Variants in SAMD4A observed in about 807,000 individuals in gnomAD.
The protein encoded by SAMD4A is sterile alpha motif domain containing 4A, also known as protein Smaug homolog 1.
SAMD4A carries 33 observed loss-of-function variants against 81.3 expected under a neutral mutation model. That is an observed-to-expected ratio of 0.41 (90% CI 0.31 to 0.54). The LOEUF is 0.54. Among genes scored for constraint, SAMD4A ranks in the 20% least tolerant of loss-of-function variants. The pLI is 0.37. For synonymous variants in SAMD4A, 389 were observed against 382.1 expected (o/e 1.02, Z -0.21); for missense variants, 854 against 951.1 (o/e 0.90, Z 1.34).
chr14:54,669,828 A>G (rs984459152), intron 2 of SAMD4A, among the ~76,000 whole-genome samples: 2 of 152,164 alleles, frequency 1.3e-5, no homozygotes, highest in Non-Finnish European at 2.9e-5. Flanking sequence ...CATGCAGGGA[A>G]CGCTTTGCAC....
chr14:54,580,153 A>T (rs2033423110), intron 2 of SAMD4A, among the ~76,000 whole-genome samples: 1 of 152,192 alleles, frequency 6.6e-6, no homozygotes, highest in Admixed American at 6.5e-5. Context: ...GTAGGGGAAG[A>T]GCTGGTGTTA....
In SAMD4A at chr14:54,771,177, T is replaced by TTAAG. The variant is rs564747482; in HGVS notation, c.1715+958_1715+959insGTAA. 3.5e-3 allele frequency among the ~76,000 whole-genome samples: 533 copies of TTAAG among 152,314 alleles called. 3 individuals are homozygous for TTAAG. Among genetic ancestry groups the TTAAG allele is most frequent in the African/African-American group, 0.012 (508 of 41,574 alleles). ...GTTTGTGAAAAGACTTCATGAAAGA[T>TTAAG]TAATTTTAACACTGAAGTGTGATCA... On this transcript the variant is annotated intron_variant, in intron 9 of 12. Transcript: ENST00000554335.
chr14:54,731,076 G>A (rs565689949), intron 3 of SAMD4A, among the ~76,000 whole-genome samples: 2 of 152,156 alleles, frequency 1.3e-5, no homozygotes, highest in Admixed American at 6.6e-5. Context: ...TGGTGTTATC[G>A]AAAAAATTTG....
At chr14:54,782,472 C>T (rs760123264) in intron 11 of SAMD4A, among the ~76,000 whole-genome samples, 12 of 152,222 alleles carry the variant, frequency 7.9e-5, no homozygotes, top group Middle Eastern at 3.4e-3. Context: ...ATCTCTTCCC[C>T]CTGGAATTGT....
chr14:54,574,345 A>C (rs947245374), intron 2 of SAMD4A, among the ~76,000 whole-genome samples: 6 of 152,252 alleles, frequency 3.9e-5, no homozygotes, highest in African/African-American at 1.4e-4. Context: ...GAATGGAAGA[A>C]GTAAACTTGA....
intron 2 of SAMD4A, among the ~76,000 whole-genome samples, chr14:54,610,675 C>T (rs901076128): frequency 2.0e-5 from 3 of 152,146 alleles, no homozygotes; most frequent in East Asian, 1.9e-4. Context: ...CTATAAAGTC[C>T]GTGCTGAGTT....
At position 54,760,381 on chromosome 14, in the gene SAMD4A, G is replaced by C; in HGVS notation, c.1397G>C (p.Gly466Ala). The C allele has an allele frequency of 5.3e-6, 8 of 1,517,816 alleles. No individual in the cohort carries two copies. The highest frequency in any genetic ancestry group is 7.0e-6 in the Non-Finnish European group (8 of 1,144,666). 94.0% of individuals were successfully genotyped at this position (1,517,816 alleles called of 1,614,324 possible). Residue 466 changes from glycine to alanine, a missense_variant, in exon 7 of 13, where the codon GGG (glycine) becomes GCG (alanine). Physicochemically the swap from Gly to Ala is moderately conservative, Grantham distance 60. Around this residue, in one of 3 missense-constraint regions of SAMD4A, gnomAD observed 428 missense variants for 471.2 expected, o/e 0.91. Transcript: ENST00000554335. ...ATGATATPSA[G>A]ASGGLQPHQL... ...GGCGCCACGGCCACCCCCTCGGCCGGGGCCAGCGGGGGGCTCCAGCCGCAC... is the reference window on the plus strand; with the variant it reads ...GGCGCCACGGCCACCCCCTCGGCCGCGGCCAGCGGGGGGCTCCAGCCGCAC...
intron 4 of SAMD4A, among the ~76,000 whole-genome samples, chr14:54,747,578 G>A (rs1005272097): frequency 2.6e-5 from 4 of 152,194 alleles, no homozygotes; most frequent in African/African-American, 9.7e-5. Flanking sequence ...TCCTGTAATC[G>A]ACATGATTGG....
At chr14:54,767,076 G>A (rs1397994259) in intron 8 of SAMD4A, among the ~76,000 whole-genome samples, 1 of 152,190 alleles carries the variant, frequency 6.6e-6, no homozygotes, top group Non-Finnish European at 1.5e-5. Flanking sequence ...TCAGGATGGA[G>A]GGGCCTGCGT....
chr14:54,605,365 T>C (rs1199128140), intron 2 of SAMD4A, among the ~76,000 whole-genome samples: 1 of 152,336 alleles, frequency 6.6e-6, no homozygotes, highest in African/African-American at 2.4e-5. Context: ...GGGTGCATGA[T>C]TGGGGCATTG....
chr14:54,656,553 TAC>T (rs2035524669), intron 2 of SAMD4A, among the ~76,000 whole-genome samples: 1 of 152,220 alleles, frequency 6.6e-6, no homozygotes, highest in South Asian at 2.1e-4. Flanking sequence ...CCGAGATACT[TAC>T]ACAGTTGTTC....
chr14:54,653,302 T>C (rs922346825), intron 2 of SAMD4A, among the ~76,000 whole-genome samples: 1 of 7,730 alleles, frequency 1.3e-4, no homozygotes, highest in Non-Finnish European at 2.9e-4. Context: ...TTCCTCTTAA[T>C]ATTATTATTA....
At chr14:54,784,402 G>A (rs144248642) in intron 11 of SAMD4A, 135 bp from the exon 12 acceptor site, 2 of 1,590,998 alleles carry the variant, frequency 1.3e-6, no homozygotes, top group East Asian at 4.5e-5. Context: ...CCTGAGTGGA[G>A]CCCCTTCCAT....
intron 2 of SAMD4A, among the ~76,000 whole-genome samples, chr14:54,651,073 G>T (rs906557233): frequency 3.9e-5 from 6 of 152,160 alleles, no homozygotes; most frequent in African/African-American, 1.4e-4. Flanking sequence ...TCACTTCATG[G>T]TTTAGATGCC....
chr14:54,570,192 G>A (rs963748733), intron 2 of SAMD4A, among the ~76,000 whole-genome samples: 1 of 152,164 alleles, frequency 6.6e-6, no homozygotes, highest in Admixed American at 6.5e-5. Flanking sequence ...GTGTGGCCAG[G>A]ACAGAAATTT....
chr14:54,704,248 A>G (rs1667585231), intron 3 of SAMD4A, among the ~76,000 whole-genome samples: 1 of 152,240 alleles, frequency 6.6e-6, no homozygotes, highest in Admixed American at 6.5e-5. Context: ...GAGTGATGAC[A>G]TGCAGGCAGA....
chr14:54,757,383 TTGTG>T (rs3051653), intron 6 of SAMD4A, among the ~76,000 whole-genome samples: 54,508 of 139,936 alleles, frequency 0.39, 11,395 homozygotes, highest in Non-Finnish European at 0.5. Flanking sequence ...GTTTCTTTAT[TTGTG>T]TGTGTGTGTG....
intron 2 of SAMD4A, among the ~76,000 whole-genome samples, chr14:54,576,001 CTTTTTTTTTTTTTT>C (rs57819180): frequency 1.3e-4 from 10 of 80,000 alleles, no homozygotes; most frequent in Admixed American, 6.5e-4. Context: ...TTCTTTCTTT[CTTTTTTTTTTTTTT>C]TTTTTTTTTT....
intron 2 of SAMD4A, among the ~76,000 whole-genome samples, chr14:54,578,266 C>A (rs1273955187): frequency 1.3e-5 from 2 of 152,154 alleles, no homozygotes; most frequent in Non-Finnish European, 2.9e-5. Context: ...TCTTGGATGA[C>A]TTCCAAAGTC....
Sources: allele counts gnomAD v4.1 joint callset (sites outside exome capture counted in the v4.1 genomes callset), GRCh38; gene constraint gnomAD v4.1.1; regional missense constraint gnomAD v4.1.1; transcripts MANE v1.5; gene names NCBI Gene and HGNC (gene_info 2026-07-23, HGNC 2026-07-21).